The following ARHGAP6 variants were observed in gnomAD, a reference collection of about 807,000 sequenced individuals.
ARHGAP6 encodes rho GTPase-activating protein 6.
A neutral mutation model predicts 55.7 loss-of-function variants in ARHGAP6; 16 were observed. The ratio of observed to expected loss-of-function variants is 0.29; its 90% CI spans 0.19 to 0.44. The LOEUF is 0.44. ARHGAP6 is among the 20% of genes least tolerant of loss of function. The pLI, the probability that ARHGAP6 is intolerant of heterozygous loss-of-function variation, is 1.00. For synonymous variants in ARHGAP6, 382 were observed against 360.9 expected, an observed-to-expected ratio of 1.06 and a Z score of -0.66; for missense variants, 698 against 808.9, an observed-to-expected ratio of 0.86 and a Z score of 1.66.
chrX:11,586,778 C>T (rs1018875999), intron 1 of ARHGAP6, among the ~76,000 whole-genome samples: 9 of 111,690 alleles, frequency 8.1e-5, no homozygotes, highest in Admixed American at 2.9e-4. Context: ...GCCATTTTCA[C>T]GATATTGATT....
intron 1 of ARHGAP6, among the ~76,000 whole-genome samples, chrX:11,632,295 A>G (rs1179580211): frequency 8.9e-6 from 1 of 112,366 alleles, no homozygotes; most frequent in African/African-American, 3.2e-5. Flanking sequence ...AGCTTAATCA[A>G]TTGTTGAAGT....
chrX:11,153,524 CAAAAAAA>C (rs55669123), intron 10 of ARHGAP6, among the ~76,000 whole-genome samples: 33 of 20,117 alleles, frequency 1.6e-3, no homozygotes, highest in Non-Finnish European at 2.1e-3. Context: ...GACTCGATCT[CAAAAAAA>C]AAAAAAAAAA....
chrX:11,287,482 G>C (rs1295768699), intron 1 of ARHGAP6, among the ~76,000 whole-genome samples: 1 of 111,684 alleles, frequency 9.0e-6, no homozygotes, highest in Non-Finnish European at 1.9e-5. Context: ...ACACAAGTCT[G>C]AGCTTCCAGA....
At chrX:11,628,429 T>C (rs760171685) in intron 1 of ARHGAP6, among the ~76,000 whole-genome samples, 192 of 112,957 alleles carry the variant, frequency 1.7e-3, no homozygotes, top group Non-Finnish European at 3.0e-3. Flanking sequence ...AATTGTATTA[T>C]TGTGTAATGC....
chrX:11,367,050 G>A (rs997122107), intron 1 of ARHGAP6, among the ~76,000 whole-genome samples: 5 of 111,378 alleles, frequency 4.5e-5, no homozygotes, highest in African/African-American at 1.3e-4. Flanking sequence ...AAGAAAAGAC[G>A]TTGTCAGGAA....
chrX:11,344,850 T>C (rs1192037025), intron 1 of ARHGAP6, among the ~76,000 whole-genome samples: 2 of 110,794 alleles, frequency 1.8e-5, no homozygotes. Flanking sequence ...TGTACAGACA[T>C]CCCAGTGCAT....
At chrX:11,165,037 T>G (rs961946596) in intron 9 of ARHGAP6, among the ~76,000 whole-genome samples, 51 of 112,391 alleles carry the variant, frequency 4.5e-4, no homozygotes, top group African/African-American at 1.5e-3. Flanking sequence ...CAGAGTATCA[T>G]TTTATGTTAG....
chrX:11,278,698 C>G (rs1022000626), intron 1 of ARHGAP6, among the ~76,000 whole-genome samples: 2 of 111,537 alleles, frequency 1.8e-5, no homozygotes, highest in Non-Finnish European at 3.8e-5. Context: ...GTTCCATAAT[C>G]AAATATATTT....
intron 1 of ARHGAP6, among the ~76,000 whole-genome samples, chrX:11,426,804 T>C (rs1440532855): frequency 9.1e-6 from 1 of 109,422 alleles, no homozygotes; most frequent in Non-Finnish European, 1.9e-5. Context: ...CCTTAAAATC[T>C]TGACTCCTTC....
intron 2 of ARHGAP6, among the ~76,000 whole-genome samples, chrX:11,252,657 G>T (rs2047438992): frequency 8.9e-6 from 1 of 112,694 alleles, no homozygotes; most frequent in East Asian, 2.8e-4. Flanking sequence ...AACATGCTGT[G>T]GTTGTGGTAG....
chrX:11,327,542 T>A (rs986708895), intron 1 of ARHGAP6, among the ~76,000 whole-genome samples: 4 of 111,853 alleles, frequency 3.6e-5, no homozygotes, highest in Non-Finnish European at 7.5e-5. Flanking sequence ...GTGAGTACCA[T>A]AATCCAGAGG....
intron 1 of ARHGAP6, among the ~76,000 whole-genome samples, chrX:11,421,452 G>A (rs1194501066): frequency 9.0e-6 from 1 of 111,344 alleles, no homozygotes; most frequent in Non-Finnish European, 1.9e-5. Flanking sequence ...CATTGCCCAG[G>A]GTCCTCTGGT....
chrX:11,387,765 T>G (rs763191472), intron 1 of ARHGAP6, among the ~76,000 whole-genome samples: 1 of 110,529 alleles, frequency 9.0e-6, no homozygotes, highest in Non-Finnish European at 1.9e-5. Context: ...CATGTGTTCT[T>G]ATTGTTCAAT....
intron 1 of ARHGAP6, among the ~76,000 whole-genome samples, chrX:11,278,020 T>C (rs1297007404): frequency 8.9e-6 from 1 of 111,933 alleles, no homozygotes; most frequent in Non-Finnish European, 1.9e-5. Context: ...AAGATAGTCA[T>C]TGCACATTTC....
At chrX:11,426,359 A>ATT (rs35111887) in intron 1 of ARHGAP6, among the ~76,000 whole-genome samples, 6,517 of 103,018 alleles carry the variant, frequency 0.063, 253 homozygotes, top group African/African-American at 0.13. Flanking sequence ...CAAAAAAACA[A>ATT]TTTTTTTTTT....
At chrX:11,287,044 C>T (rs2047929809) in intron 1 of ARHGAP6, among the ~76,000 whole-genome samples, 1 of 111,196 alleles carries the variant, frequency 9.0e-6, no homozygotes, top group Non-Finnish European at 1.9e-5. Context: ...CTCAAGTGTA[C>T]CCTTTCAACA....
At position 11,298,401 on chromosome X, in the gene ARHGAP6, A is replaced by G. The variant is rs750299843; in HGVS notation, c.589-43694T>C. 9 of 1,118,510 alleles carry G rather than the reference A, an allele frequency of 8.0e-6. No individual in the cohort carries two copies. In the South Asian group the frequency reaches 1.5e-4, roughly 18 times the overall value. The allele number at this position is 1,118,510 out of a possible 1,213,427, so 92.2% of individuals were successfully genotyped here. A position where few individuals can be genotyped will look rare whatever the true frequency, so the allele number is the denominator to read the frequency against. On this transcript the variant is annotated intron_variant, in intron 1 of 12. Transcript: ENST00000337414. ...TAATGGGAAATTTAGTTTGTAAAAA[A>G]TCATATCTGTGTACACAGTTACAAA...
chrX:11,463,801 C>T (rs1328702581), intron 1 of ARHGAP6, among the ~76,000 whole-genome samples: 1 of 112,528 alleles, frequency 8.9e-6, no homozygotes, highest in East Asian at 2.8e-4. Context: ...CCTCACTAAG[C>T]TAAACTATGA....
intron 1 of ARHGAP6, among the ~76,000 whole-genome samples, chrX:11,551,759 G>A (rs1157564076): frequency 8.9e-6 from 1 of 111,815 alleles, no homozygotes; most frequent in African/African-American, 3.2e-5. Flanking sequence ...TGAAGATGAA[G>A]GTAGAGATTA....
Sources: allele counts gnomAD v4.1 joint callset (sites outside exome capture counted in the v4.1 genomes callset), GRCh38; gene constraint gnomAD v4.1.1; transcripts MANE v1.5; gene names NCBI Gene and HGNC (gene_info 2026-07-23, HGNC 2026-07-21).